DSP: variants seen among roughly 807,000 people sequenced by gnomAD.
DSP encodes the protein 250/210 kDa paraneoplastic pemphigus antigen.
Under a neutral mutation model 290.6 loss-of-function variants are expected in DSP, and 114 were observed. That is an observed-to-expected ratio of 0.39 (90% CI 0.34 to 0.46). DSP has a LOEUF of 0.46. DSP is among the 20% of genes least tolerant of loss of function. The pLI, the probability that DSP is intolerant of heterozygous loss-of-function variation, is 0.99. For missense variants in DSP, 3,230 were observed against 3,495.8 expected (o/e 0.92, Z 1.92); for synonymous variants, 1,311 against 1,316.4 (o/e 1.00, Z 0.09).
chr6:7,585,656 T>C lies in DSP; in HGVS notation c.8394T>C (p.Thr2798=), dbSNP rs775346694. Residue 2798 remains threonine, a synonymous_variant, in exon 24 of 24, where the codon ACT becomes ACC. Coordinates refer to ENST00000379802, the MANE Select transcript of DSP (RefSeq NM_004415.4). ...AINRSMVEDI[T]GLRLLEAASV... is the part of the protein sequence containing the mutation. ...ATCGCTCCATGGTAGAAGATATCACTGGGCTGCGCCTTCTGGAAGCCGCCT... is the reference window on the plus strand; with the variant it reads ...ATCGCTCCATGGTAGAAGATATCACCGGGCTGCGCCTTCTGGAAGCCGCCT... 1 of 1,614,122 alleles carries C rather than the reference T, an allele frequency of 6.2e-7. No homozygotes were observed. The highest frequency in any genetic ancestry group is 8.5e-7 in the Non-Finnish European group (1 of 1,180,056).
At position 7,572,061 on chromosome 6, in the gene DSP, A is replaced by C; in HGVS notation, c.2123A>C (p.Glu708Ala). Residue 708 changes from glutamate to alanine, a missense_variant, in exon 15 of 24, where the codon GAG (glutamate) becomes GCG (alanine). Glu to Ala is a moderately radical substitution (Grantham distance 107). Coordinates refer to ENST00000379802, the MANE Select transcript of DSP (RefSeq NM_004415.4). ...CACCACATCACAGTGAAAATTAACG[A>C]GCTTAAGGTAGGTATCTGCTAGTAT... ...SSHHITVKIN[E>A]LKSVQNDSQA... The C allele has an allele frequency of 6.2e-7, 1 of 1,613,862 alleles. No individual in the cohort carries two copies. Among genetic ancestry groups the C allele is most frequent in the Non-Finnish European group, 8.5e-7 (1 of 1,179,762 alleles).
Position 7,558,336 on chromosome 6 carries a change from C to A in DSP, c.422+72C>A, listed in dbSNP as rs538123977. ...ACCACATAACCAGTTACACTCAATT[C>A]CATGACCCAGGGCTTCCTTTGAAGG... On this transcript the variant is annotated intron_variant, in intron 3 of 23. Coordinates refer to ENST00000379802, the MANE Select transcript of DSP (RefSeq NM_004415.4). 2.4e-4 allele frequency: 379 copies of A among 1,560,548 alleles called. 2 individuals are homozygous for A. The African/African-American group carries it at 4.7e-3, about 19-fold the overall frequency.
chr6:7,567,336 G>A lies in DSP; in HGVS notation c.1045-18G>A, dbSNP rs1332704469. 3.7e-6 allele frequency: 6 copies of A among 1,609,194 alleles called. No individual in the cohort carries two copies. Among genetic ancestry groups the A allele is most frequent in the East Asian group, 2.2e-5 (1 of 44,862 alleles). On this transcript the variant is annotated intron_variant, in intron 8 of 23. Coordinates refer to ENST00000379802, the MANE Select transcript of DSP (RefSeq NM_004415.4). Reference sequence around the variant, plus strand: ...ACAACTGAGCTAGGCTAAGACAGCTGACATTTTCTTGTTTCAGGCCTATAT... The same window carrying A: ...ACAACTGAGCTAGGCTAAGACAGCTAACATTTTCTTGTTTCAGGCCTATAT...
chr6:7,566,890 A>G (rs1457694392), intron 8 of DSP, among the ~76,000 whole-genome samples: 1 of 152,206 alleles, frequency 6.6e-6, no homozygotes, highest in Non-Finnish European at 1.5e-5. Flanking sequence ...AGCTGGTACC[A>G]CTGGTATGGC....
In DSP at chr6:7,581,517, A is replaced by G. The variant is rs1363204936; in HGVS notation, c.5327A>G (p.Glu1776Gly). 9.3e-6 allele frequency: 15 copies of G among 1,614,170 alleles called. No homozygotes were observed. The highest frequency in any genetic ancestry group is 1.3e-5 in the Non-Finnish European group (15 of 1,180,040). The change falls in exon 23 of 24, where the codon GAG (glutamate) becomes GGG (glycine). Residue 1776 changes from glutamate to glycine, a missense_variant. Transcript: ENST00000379802. The part of the protein sequence containing the change: ...LQGLINDLQR[E>G]RENLRQEIEK... ...GGGCTGATTAATGATTTACAGAGAG[A>G]GAGGGAAAATTTGAGACAGGAAATT...
rs1581822548 is a variant in DSP at position 7,583,738 on chromosome 6, A to T, written c.6476A>T (p.Tyr2159Phe). The change falls in exon 24 of 24, where the codon TAT (tyrosine) becomes TTT (phenylalanine). Residue 2159 changes from tyrosine to phenylalanine, a missense_variant. Tyr to Phe is a conservative substitution (Grantham distance 22). Coordinates refer to ENST00000379802, the MANE Select transcript of DSP (RefSeq NM_004415.4). The surrounding 1 kb of genome is among the most constrained non-coding windows in gnomAD (Gnocchi z 4.0). Reference protein sequence around the residue: ...LARGLIDRDLYRSLNDPRDSQ... With the variant: ...LARGLIDRDLFRSLNDPRDSQ... ...CGGGGGCTGATTGATAGAGATTTGT[A>T]TCGATCCCTGAATGATCCCCGAGAT... 5 of 1,613,974 alleles carry T rather than the reference A, an allele frequency of 3.1e-6. No individual in the cohort carries two copies. In the African/African-American group the frequency reaches 5.3e-5, roughly 17 times the overall value.
Position 7,576,284 on chromosome 6 carries a change from T to A in DSP, c.2631-10T>A, listed in dbSNP as rs369840498. The A allele has an allele frequency of 1.4e-5, 23 of 1,613,126 alleles. No homozygotes were observed. The highest frequency in any genetic ancestry group is 2.0e-5 in the Non-Finnish European group (23 of 1,179,130). ...AAGATAATGATTTTATTGTATCTAT[T>A]TCCCCCCAGGTTATGGGACCTGGAG... On this transcript the variant is annotated splice_polypyrimidine_tract_variant and intron_variant, in intron 18 of 23. Transcript: ENST00000379802.
Position 7,580,237 on chromosome 6 carries a change from T to C in DSP, c.4047T>C (p.Ser1349=). The C allele has an allele frequency of 6.2e-7, 1 of 1,612,668 alleles. No individual in the cohort carries two copies. Among genetic ancestry groups the C allele is most frequent in the Non-Finnish European group, 8.5e-7 (1 of 1,179,648 alleles). Residue 1349 remains serine, a synonymous_variant, in exon 23 of 24, where the codon AGT becomes AGC. Transcript: ENST00000379802. This position sits in a 1 kb window ranked among gnomAD's most constrained non-coding sequence, Gnocchi z 4.2. ...GCTGGGAATATGAAAATGAACTGAG[T>C]AAGGTAAGAAACAATTATGATGAGG... ...KRRWEYENEL[S]KVRNNYDEEI...
Position 7,555,735 on chromosome 6 carries a change from C to T in DSP, c.188C>T (p.Ser63Phe). 6.2e-7 allele frequency: 1 copy of T among 1,614,214 alleles called. No homozygotes were observed. The highest frequency in any genetic ancestry group is 8.5e-7 in the Non-Finnish European group (1 of 1,180,012). The change falls in exon 2 of 24, where the codon TCC becomes TTC. Residue 63 changes from serine to phenylalanine, a missense_variant. This residue lies in a region of DSP where 646 missense variants were observed against 684.3 expected (regional missense o/e 0.94). Transcript: ENST00000379802. ...SDGYCQTGTM[S>F]RHQNQNTIQE... ...CTCCTTAGTCAAACCGGCACGATGT[C>T]CAGGCACCAGAACCAGAACACCATC... is the stretch of plus-strand genomic sequence containing the variant.
chr6:7,549,199 G>C (rs558454864), intron 1 of DSP, among the ~76,000 whole-genome samples: 7 of 152,210 alleles, frequency 4.6e-5, no homozygotes, highest in African/African-American at 1.7e-4. Context: ...GCCCAGGCTG[G>C]AGGGCAATGG....
Position 7,583,256 on chromosome 6 carries a change from G to A in DSP, c.5994G>A (p.Lys1998=). 1.2e-6 allele frequency: 2 copies of A among 1,614,170 alleles called. No individual in the cohort carries two copies. Among genetic ancestry groups the A allele is most frequent in the Non-Finnish European group, 1.7e-6 (2 of 1,180,028 alleles). The change falls in exon 24 of 24, where the codon AAG becomes AAA. Residue 1998 remains lysine (K), a synonymous_variant. Transcript: ENST00000379802. The surrounding 1 kb of genome is among the most constrained non-coding windows in gnomAD (Gnocchi z 4.0). ...KTTLDKLLKG[K]KSVEEVASEI... ...CCTTGGACAAACTATTGAAGGGGAA[G>A]AAGTCAGTGGAAGAAGTTGCTTCTG...
chr6:7,552,986 A>G (rs1258881568), intron 1 of DSP, among the ~76,000 whole-genome samples: 4 of 152,190 alleles, frequency 2.6e-5, no homozygotes, highest in Non-Finnish European at 5.9e-5. Flanking sequence ...GTGTATGTAC[A>G]CTTCGGTGCG....
At position 7,577,760 on chromosome 6, in the gene DSP, A is replaced by G. The variant is rs1333845732; in HGVS notation, c.2878-19A>G. On this transcript the variant is annotated intron_variant, in intron 20 of 23. Transcript: ENST00000379802. Reference sequence around the variant, plus strand: ...TAAGTCTATGAAGGACACTTTTCTTAAACTTCATTATGCTGCAGGATTATG... The same window carrying G: ...TAAGTCTATGAAGGACACTTTTCTTGAACTTCATTATGCTGCAGGATTATG... The G allele has an allele frequency of 6.2e-7, 1 of 1,600,558 alleles. No individual in the cohort carries two copies. The highest frequency in any genetic ancestry group is 8.6e-7 in the Non-Finnish European group (1 of 1,167,874).
chr6:7,557,395 G>T (rs1028272239), intron 2 of DSP, among the ~76,000 whole-genome samples: 1 of 152,144 alleles, frequency 6.6e-6, no homozygotes, highest in Non-Finnish European at 1.5e-5. Context: ...GAACTAAAAC[G>T]TTGGCCAGGC....
At chr6:7,562,863 T>A in intron 5 of DSP, 83 bp downstream of exon 5, 1 of 1,582,958 alleles carries the variant, frequency 6.3e-7, no homozygotes, top group Non-Finnish European at 8.7e-7. Context: ...GAGTTTCTTC[T>A]GAAACATTGC....
intron 1 of DSP, among the ~76,000 whole-genome samples, chr6:7,551,951 A>G (rs1218917303): frequency 6.6e-6 from 1 of 152,194 alleles, no homozygotes; most frequent in Admixed American, 6.5e-5. Context: ...CTGTTTCCAA[A>G]GGGAATTCTT....
Sources: allele counts gnomAD v4.1 joint callset (sites outside exome capture counted in the v4.1 genomes callset), GRCh38; gene constraint gnomAD v4.1.1; regional missense constraint gnomAD v4.1.1; non-coding constraint Gnocchi (gnomAD v3.1); transcripts MANE v1.5; gene names NCBI Gene and HGNC (gene_info 2026-07-23, HGNC 2026-07-21).